Variants in TRPM3 observed in about 807,000 individuals in gnomAD.
The protein encoded by TRPM3 is long transient receptor potential channel 3.
In TRPM3, 77 loss-of-function variants were observed where a neutral mutation model predicts 181.2. The observed-to-expected ratio is 0.42, with a 90% CI of 0.35 to 0.51. TRPM3 has a LOEUF of 0.51. TRPM3 is among the 20% of genes least tolerant of loss of function. The pLI is 0.01. For missense variants in TRPM3, 1,759 were observed against 2,196.7 expected, an observed-to-expected ratio of 0.80 and a Z score of 3.98; for synonymous variants, 745 against 796.4, an observed-to-expected ratio of 0.94 and a Z score of 1.09.
intron 1 of TRPM3, among the ~76,000 whole-genome samples, chr9:70,995,518 GCA>G (rs1021937317): frequency 6.6e-6 from 1 of 151,814 alleles, no homozygotes; most frequent in African/African-American, 2.4e-5. Context: ...TGTCATCCCT[GCA>G]CATCTAGAGT....
chr9:71,267,176 G>T (rs893620385), intron 1 of TRPM3, among the ~76,000 whole-genome samples: 1 of 152,074 alleles, frequency 6.6e-6, no homozygotes, highest in Non-Finnish European at 1.5e-5. Flanking sequence ...TTGCCTGACT[G>T]CTTTATCCTT....
intron 8 of TRPM3, chr9:70,761,182 A>G: frequency 1.9e-6 from 1 of 514,032 alleles, no homozygotes; most frequent in Non-Finnish European, 3.5e-6. Flanking sequence ...ACCTGTACAG[A>G]TTAGTGTAAC....
intron 1 of TRPM3, among the ~76,000 whole-genome samples, chr9:71,287,838 C>A (rs993370819): frequency 1.3e-5 from 2 of 152,076 alleles, no homozygotes; most frequent in African/African-American, 4.8e-5. Flanking sequence ...GTCACATACG[C>A]AGTAACAGCT....
At chr9:70,642,590 G>T (rs1167779797) in intron 9 of TRPM3, among the ~76,000 whole-genome samples, 1 of 152,142 alleles carries the variant, frequency 6.6e-6, no homozygotes, top group Admixed American at 6.5e-5. Flanking sequence ...GCTTGGGATG[G>T]GATCCAGGCG....
At chr9:71,390,958 A>T (rs1363678242) in intron 1 of TRPM3, among the ~76,000 whole-genome samples, 1 of 151,996 alleles carries the variant, frequency 6.6e-6, no homozygotes, top group Non-Finnish European at 1.5e-5. Context: ...GTCTGGGACA[A>T]AAAAAGCAAC....
At chr9:71,220,427 G>A (rs2080170269) in intron 1 of TRPM3, among the ~76,000 whole-genome samples, 1 of 150,958 alleles carries the variant, frequency 6.6e-6, no homozygotes, top group African/African-American at 2.4e-5. Flanking sequence ...GGTGAGTTAG[G>A]GAAGAAAAGC....
At chr9:71,230,328 G>T (rs1011139228) in intron 1 of TRPM3, among the ~76,000 whole-genome samples, 115 of 152,014 alleles carry the variant, frequency 7.6e-4, no homozygotes, top group African/African-American at 2.7e-3. Flanking sequence ...AAAAGTAGTG[G>T]GGGGAATGGG....
At chr9:71,388,508 G>T (rs1330110535) in intron 1 of TRPM3, among the ~76,000 whole-genome samples, 1 of 152,126 alleles carries the variant, frequency 6.6e-6, no homozygotes, top group Non-Finnish European at 1.5e-5. Context: ...ACAAAGGAAA[G>T]CCAATGACAG....
At chr9:70,795,014 A>T (rs903143999) in intron 6 of TRPM3, among the ~76,000 whole-genome samples, 1 of 152,228 alleles carries the variant, frequency 6.6e-6, no homozygotes, top group Non-Finnish European at 1.5e-5. Flanking sequence ...CTAAACAATA[A>T]AGCGTAACGA....
chr9:70,888,496 T>C (rs1234360480), intron 1 of TRPM3, among the ~76,000 whole-genome samples: 1 of 152,098 alleles, frequency 6.6e-6, no homozygotes, highest in Non-Finnish European at 1.5e-5. Flanking sequence ...AAAAGTTTAC[T>C]ATTTTTTATT....
intron 6 of TRPM3, among the ~76,000 whole-genome samples, chr9:70,785,298 T>C (rs1008813980): frequency 1.3e-5 from 2 of 152,306 alleles, no homozygotes; most frequent in African/African-American, 4.8e-5. Flanking sequence ...TAAAGAGAAG[T>C]AATAAAATCA....
intron 7 of TRPM3, among the ~76,000 whole-genome samples, chr9:70,764,846 T>G (rs552517489): frequency 6.6e-6 from 1 of 152,198 alleles, no homozygotes; most frequent in Non-Finnish European, 1.5e-5. Context: ...TGATTTTTAG[T>G]GCTTTCCTGC....
intron 1 of TRPM3, among the ~76,000 whole-genome samples, chr9:71,080,882 A>G: frequency 6.6e-6 from 1 of 152,170 alleles, no homozygotes; most frequent in Non-Finnish European, 1.5e-5. Flanking sequence ...TTGTGTGTAC[A>G]CAGTAAGCAT....
intron 1 of TRPM3, among the ~76,000 whole-genome samples, chr9:71,055,501 T>C (rs1390744922): frequency 3.3e-5 from 5 of 152,100 alleles, no homozygotes; most frequent in Non-Finnish European, 5.9e-5. Context: ...TATATCTTTA[T>C]AGCCAGAGCT....
intron 1 of TRPM3, among the ~76,000 whole-genome samples, chr9:71,021,463 T>C (rs1310103067): frequency 1.3e-5 from 2 of 152,158 alleles, no homozygotes; most frequent in African/African-American, 4.8e-5. Context: ...GGATAATCGA[T>C]TTTAACTTGG....
chr9:70,597,351 C>A (rs2059202583), intron 21 of TRPM3, among the ~76,000 whole-genome samples: 1 of 152,206 alleles, frequency 6.6e-6, no homozygotes, highest in African/African-American at 2.4e-5. Flanking sequence ...GAATTGCAGG[C>A]ATGACCCACT....
chr9:70,673,231 G>C (rs1590117099), intron 9 of TRPM3, among the ~76,000 whole-genome samples: 1 of 152,124 alleles, frequency 6.6e-6, no homozygotes, highest in South Asian at 2.1e-4. Context: ...AGAGGCACAT[G>C]GAAGACACTG....
chr9:71,186,843 A>C (rs747052565), intron 1 of TRPM3, among the ~76,000 whole-genome samples: 3 of 152,026 alleles, frequency 2.0e-5, no homozygotes, highest in Non-Finnish European at 4.4e-5. Flanking sequence ...ATGAGCTAGC[A>C]AAAAGTCTCT....
intron 7 of TRPM3, chr9:70,783,768 A>G: frequency 1.2e-6 from 1 of 842,928 alleles, no homozygotes; most frequent in Non-Finnish European, 1.4e-6. Flanking sequence ...GATGTGCTTC[A>G]TGTGTTAAAA....
Sources: allele counts gnomAD v4.1 joint callset (sites outside exome capture counted in the v4.1 genomes callset), GRCh38; gene constraint gnomAD v4.1.1; transcripts MANE v1.5; gene names NCBI Gene and HGNC (gene_info 2026-07-23, HGNC 2026-07-21).